Variants in PPP2R2C observed in about 807,000 individuals in gnomAD.
PPP2R2C encodes protein phosphatase 2, regulatory subunit B, gamma.
A neutral mutation model predicts 45.3 loss-of-function variants in PPP2R2C; 10 were observed. The observed-to-expected ratio is 0.22, with a 90% CI of 0.14 to 0.37. The LOEUF (loss-of-function observed/expected upper bound fraction) is 0.37, where lower values mean the gene tolerates loss of function less well. Ranked by LOEUF, PPP2R2C falls within the 10% of genes least tolerant of loss-of-function variation. PPP2R2C has a pLI of 1.00. For synonymous variants in PPP2R2C, 257 were observed against 245.4 expected (o/e 1.05, Z -0.44); for missense variants, 308 against 619.7 (o/e 0.50, Z 5.34).
intron 2 of PPP2R2C, among the ~76,000 whole-genome samples, chr4:6,511,769 T>C (rs1723546324): frequency 1.1e-5 from 1 of 93,242 alleles, no homozygotes; most frequent in Non-Finnish European, 2.3e-5. Flanking sequence ...GTGGTGATGG[T>C]GATGGTGGTA....
At chr4:6,367,987 C>A (rs1714478073) in intron 5 of PPP2R2C, among the ~76,000 whole-genome samples, 1 of 152,192 alleles carries the variant, frequency 6.6e-6, no homozygotes, top group African/African-American at 2.4e-5. Context: ...GGCCAGGGTG[C>A]TTTATGTTTT....
chr4:6,526,055 A>G (rs543345067), intron 2 of PPP2R2C, among the ~76,000 whole-genome samples: 1 of 152,274 alleles, frequency 6.6e-6, no homozygotes, highest in Admixed American at 6.5e-5. Flanking sequence ...TGGCTCATCT[A>G]CAGAGGCTGC....
intron 5 of PPP2R2C, chr4:6,349,386 C>T (rs764097275): frequency 3.4e-5 from 33 of 971,696 alleles, no homozygotes; most frequent in African/African-American, 3.5e-5. Context: ...AGCAGTATAG[C>T]CTTATCACTT....
At chr4:6,361,197 C>T (rs1312796257) in intron 5 of PPP2R2C, among the ~76,000 whole-genome samples, 2 of 152,194 alleles carry the variant, frequency 1.3e-5, no homozygotes, top group Admixed American at 1.3e-4. Flanking sequence ...GGGAGCAGAA[C>T]CCAGCTTGCT....
chr4:6,473,267 C>A (rs1722013344), upstream of PPP2R2C, among the ~76,000 whole-genome samples: 1 of 152,174 alleles, frequency 6.6e-6, no homozygotes, highest in African/African-American at 2.4e-5. Context: ...CAAAACCAGG[C>A]TGGAAAATGC....
intron 6 of PPP2R2C, among the ~76,000 whole-genome samples, chr4:6,339,395 C>T (rs1340704763): frequency 2.0e-5 from 3 of 152,258 alleles, no homozygotes; most frequent in Non-Finnish European, 4.4e-5. Flanking sequence ...TGCTCCAGCC[C>T]CTCACTGACA....
intron 5 of PPP2R2C, among the ~76,000 whole-genome samples, chr4:6,353,954 C>CA (rs1459812015): frequency 7.1e-5 from 5 of 70,656 alleles, no homozygotes; most frequent in Admixed American, 2.7e-4. Context: ...CAACAGCCCC[C>CA]ACACCGCTCC....
intron 1 of PPP2R2C, among the ~76,000 whole-genome samples, chr4:6,394,789 C>T (rs1716906108): frequency 6.6e-6 from 1 of 152,250 alleles, no homozygotes; most frequent in Non-Finnish European, 1.5e-5. Context: ...GCCTTTTAGA[C>T]CCCAGCCGGC....
chr4:6,433,558 T>C lies in PPP2R2C; in HGVS notation c.70+38602A>G, dbSNP rs375713102. ...GGCTAAGGCCCCCTCCCTGTGCCCT[T>C]TACTGCCTGGCTGTGGCTGTTCTGT... On this transcript the variant is annotated intron_variant, in intron 1 of 8. Transcript: ENST00000382599. Among the ~76,000 whole-genome samples, 7 of 152,286 alleles carry C rather than the reference T, an allele frequency of 4.6e-5. No homozygotes were observed. The East Asian group carries it at 1.4e-3, about 29-fold the overall frequency.
intron 3 of PPP2R2C, among the ~76,000 whole-genome samples, chr4:6,377,594 G>A (rs1715431384): frequency 6.6e-6 from 1 of 152,192 alleles, no homozygotes; most frequent in African/African-American, 2.4e-5. Context: ...GGGAGGCGGA[G>A]GTTGCCGTGA....
chr4:6,512,191 G>T (rs796364422), intron 2 of PPP2R2C, among the ~76,000 whole-genome samples: 1 of 72,074 alleles, frequency 1.4e-5, no homozygotes, highest in East Asian at 4.3e-4. Context: ...GGTGGTGGTG[G>T]TGGTGGTGAT....
chr4:6,495,187 C>T (rs1371052581), intron 2 of PPP2R2C, among the ~76,000 whole-genome samples: 2 of 152,232 alleles, frequency 1.3e-5, no homozygotes, highest in Non-Finnish European at 2.9e-5. Flanking sequence ...GGGTGAGTAT[C>T]AGGGCCACAC....
chr4:6,434,791 A>G (rs1719816022), intron 1 of PPP2R2C, among the ~76,000 whole-genome samples: 1 of 5,856 alleles, frequency 1.7e-4, no homozygotes, highest in African/African-American at 1.9e-4. Flanking sequence ...TATACGATAG[A>G]TAAAAAAACA....
At chr4:6,557,163 A>G (rs1240405552) in intron 1 of PPP2R2C, among the ~76,000 whole-genome samples, 1 of 152,242 alleles carries the variant, frequency 6.6e-6, no homozygotes, top group Admixed American at 6.5e-5. Flanking sequence ...CCTGAGAAAG[A>G]GTAGAAATAG....
intron 1 of PPP2R2C, among the ~76,000 whole-genome samples, chr4:6,448,729 T>A (rs913589276): frequency 2.6e-5 from 4 of 151,940 alleles, no homozygotes; most frequent in Non-Finnish European, 5.9e-5. Flanking sequence ...AGGACTAGAA[T>A]CGTCACCCGC....
chr4:6,383,436 C>A, intron 1 of PPP2R2C: 2 of 1,289,226 alleles, frequency 1.6e-6, no homozygotes, highest in Non-Finnish European at 2.0e-6. Flanking sequence ...CTGCTCTCCA[C>A]CTGCTTATTC....
chr4:6,365,189 C>T (rs1714180111), intron 5 of PPP2R2C, among the ~76,000 whole-genome samples: 1 of 152,204 alleles, frequency 6.6e-6, no homozygotes, highest in African/African-American at 2.4e-5. Flanking sequence ...AGACTCTCGG[C>T]CAATGCTGCT....
In PPP2R2C at chr4:6,380,984, C is replaced by G; in HGVS notation, c.168+13G>C. 1 of 1,511,104 alleles carries G rather than the reference C, an allele frequency of 6.6e-7. No homozygotes were observed. The highest frequency in any genetic ancestry group is 8.9e-7 in the Non-Finnish European group (1 of 1,125,086). The allele number at this position is 1,511,104 out of a possible 1,614,324, so 93.6% of individuals were successfully genotyped here. A position where few individuals can be genotyped will look rare whatever the true frequency, so the allele number is the denominator to read the frequency against. ...CACCCCTCCCACCTCCCACCAGACC[C>G]AGGGCTTCGCACCTCTGGTTCCCGC... On this transcript the variant is annotated intron_variant, in intron 2 of 8. Coordinates refer to ENST00000382599, the MANE Select transcript of PPP2R2C (RefSeq NM_020416.4).
In PPP2R2C at chr4:6,534,675, ACCC is replaced by A. The variant is rs991544536; in HGVS notation, c.49+593_49+595del. Among the ~76,000 whole-genome samples, 7 of 151,302 alleles carry A rather than the reference ACCC, an allele frequency of 4.6e-5. 1 individual carries two copies. The highest frequency in any genetic ancestry group is 2.6e-4 in the Admixed American group (4 of 15,220). On this transcript the variant is annotated intron_variant, in intron 2 of 9. Coordinates refer to the PPP2R2C transcript ENST00000506140. The stretch of plus-strand genomic sequence containing the variant: ...CCCAAAGAGATACACACCAACACAC[ACCC>A]CCCAACACGCACGGCCCGCACACTC...
Sources: allele counts gnomAD v4.1 joint callset (sites outside exome capture counted in the v4.1 genomes callset), GRCh38; gene constraint gnomAD v4.1.1; transcripts MANE v1.5; gene names NCBI Gene and HGNC (gene_info 2026-07-23, HGNC 2026-07-21).